The following SLC30A6 variants were observed in gnomAD, a reference collection of about 807,000 sequenced individuals.
SLC30A6 encodes solute carrier family 30 member 6.
SLC30A6 carries 55 observed loss-of-function variants against 63.0 expected under a neutral mutation model. The ratio of observed to expected loss-of-function variants is 0.87; its 90% CI spans 0.70 to 1.09. SLC30A6 has a LOEUF of 1.09. Ranked by LOEUF, SLC30A6 falls within the 50% of genes least tolerant of loss-of-function variation. The pLI, the probability that SLC30A6 is intolerant of heterozygous loss-of-function variation, is 0.00. For synonymous variants in SLC30A6, 224 were observed against 186.1 expected, an observed-to-expected ratio of 1.20 and a Z score of -1.66; for missense variants, 587 against 549.2, an observed-to-expected ratio of 1.07 and a Z score of -0.69.
At chr2:32,214,090 C>T (rs1204016993) in intron 13 of SLC30A6, among the ~76,000 whole-genome samples, 2 of 152,092 alleles carry the variant, frequency 1.3e-5, no homozygotes, top group East Asian at 3.9e-4. Flanking sequence ...CACCATGCCC[C>T]ACGTCTGGCT....
At chr2:32,175,240 T>G (rs1573247341) in intron 3 of SLC30A6, 79 bp from the exon 4 acceptor site, 1 of 1,376,204 alleles carries the variant, frequency 7.3e-7, no homozygotes, top group Non-Finnish European at 1.0e-6. Flanking sequence ...ATACCCCTGG[T>G]AGAAATAATT....
At chr2:32,201,845 C>T in intron 10 of SLC30A6, 1 of 1,436,634 alleles carries the variant, frequency 7.0e-7, no homozygotes, top group Non-Finnish European at 9.7e-7. Flanking sequence ...GATGAGAAAT[C>T]AGAAACAAGA....
intron 4 of SLC30A6, among the ~76,000 whole-genome samples, chr2:32,176,530 C>T (rs1042968906): frequency 6.6e-6 from 1 of 151,188 alleles, no homozygotes; most frequent in African/African-American, 2.4e-5. Context: ...TGGTGGTGGG[C>T]ATCTGTAGTC....
At chr2:32,210,291 C>T (rs1382619010) in intron 13 of SLC30A6, among the ~76,000 whole-genome samples, 1 of 152,044 alleles carries the variant, frequency 6.6e-6, no homozygotes, top group African/African-American at 2.4e-5. Flanking sequence ...GCGGGCAGAT[C>T]ACCTGAGGTT....
chr2:32,218,202 C>T (rs1348242058), intron 13 of SLC30A6, among the ~76,000 whole-genome samples: 3 of 152,120 alleles, frequency 2.0e-5, no homozygotes, highest in Non-Finnish European at 4.4e-5. Flanking sequence ...AGGAGGATCG[C>T]TTGAACCTAG....
At chr2:32,176,213 A>G (rs1405188780) in intron 4 of SLC30A6, among the ~76,000 whole-genome samples, 1 of 152,178 alleles carries the variant, frequency 6.6e-6, no homozygotes, top group East Asian at 1.9e-4. Flanking sequence ...CACTTATGAA[A>G]AGTTGCTTAT....
Position 32,220,840 on chromosome 2 carries a change from T to A in SLC30A6, c.*127T>A. Reference sequence around the variant, plus strand: ...TAGATAATAGTAGTCTTGTTCACATTTCATGAAACCTATGAAACTATATTT... The same window carrying A: ...TAGATAATAGTAGTCTTGTTCACATATCATGAAACCTATGAAACTATATTT... On this transcript the variant is annotated 3_prime_UTR_variant, in exon 14 of 14. Transcript: ENST00000282587. The A allele has an allele frequency of 3.5e-6, 3 of 862,538 alleles. No individual in the cohort carries two copies. The highest frequency in any genetic ancestry group is 3.5e-6 in the Non-Finnish European group (2 of 578,178). 53.4% of individuals were successfully genotyped at this position (862,538 alleles called of 1,614,324 possible).
chr2:32,169,196 G>C (rs901480767), intron 1 of SLC30A6, among the ~76,000 whole-genome samples: 2 of 151,970 alleles, frequency 1.3e-5, no homozygotes, highest in East Asian at 3.9e-4. Context: ...TTTATTTCGA[G>C]ATGGGGTCTC....
At chr2:32,201,931 A>G in intron 10 of SLC30A6, 1 of 1,476,778 alleles carries the variant, frequency 6.8e-7, no homozygotes, top group South Asian at 1.2e-5. Flanking sequence ...AAATGGAGAC[A>G]CTGAAGAAGG....
intron 1 of SLC30A6, among the ~76,000 whole-genome samples, chr2:32,167,962 A>C (rs1418049797): frequency 6.6e-6 from 1 of 152,198 alleles, no homozygotes; most frequent in African/African-American, 2.4e-5. Context: ...AAGCTCATTG[A>C]GAGCAGGACC....
chr2:32,168,024 A>G (rs925073525), intron 1 of SLC30A6, among the ~76,000 whole-genome samples: 4 of 152,236 alleles, frequency 2.6e-5, no homozygotes, highest in Non-Finnish European at 5.9e-5. Context: ...GGCCCAGAGG[A>G]AGTTTTCAAT....
Position 32,206,893 on chromosome 2 carries a change from C to T in SLC30A6, c.776C>T (p.Pro259Leu). Reference protein sequence around the residue: ...YSGKVLLQTTPPHVIGQLDKL... With the variant: ...YSGKVLLQTTLPHVIGQLDKL... Reference sequence around the variant, plus strand: ...TATTGTATTTTTCCCCAGACAACACCACCCCATGTTATTGGTCAGTTGGAC... The same window carrying T: ...TATTGTATTTTTCCCCAGACAACACTACCCCATGTTATTGGTCAGTTGGAC... The change falls in exon 12 of 14, where the codon CCA (proline) becomes CTA (leucine). Residue 259 changes from proline (P) to leucine (L), a missense_variant. By Grantham distance (98) the Pro-to-Leu change is moderately conservative. Coordinates refer to ENST00000282587, the MANE Select transcript of SLC30A6 (RefSeq NM_017964.5). The T allele has an allele frequency of 1.2e-6, 2 of 1,611,610 alleles. No individual in the cohort carries two copies. The highest frequency in any genetic ancestry group is 1.7e-6 in the Non-Finnish European group (2 of 1,177,864).
At chr2:32,167,190 C>T (rs367882202) in intron 1 of SLC30A6, among the ~76,000 whole-genome samples, 1 of 152,166 alleles carries the variant, frequency 6.6e-6, no homozygotes, top group Admixed American at 6.5e-5. Flanking sequence ...ATTCTCCTGC[C>T]TCACCTTCCC....
At chr2:32,178,730 A>C (rs757774775) in intron 4 of SLC30A6, among the ~76,000 whole-genome samples, 2 of 152,190 alleles carry the variant, frequency 1.3e-5, no homozygotes, top group Non-Finnish European at 2.9e-5. Context: ...GTGAATGTTT[A>C]TTTTTGGATT....
At chr2:32,200,444 G>A (rs927360480) in intron 10 of SLC30A6, among the ~76,000 whole-genome samples, 49 of 151,638 alleles carry the variant, frequency 3.2e-4, no homozygotes, top group African/African-American at 1.1e-3. Flanking sequence ...TTGAGAAATC[G>A]GATGGTTGCT....
chr2:32,204,010 G>A, intron 10 of SLC30A6: 1 of 686,782 alleles, frequency 1.5e-6, no homozygotes, highest in East Asian at 2.6e-5. Flanking sequence ...CTATTTGATA[G>A]TTAATCTACC....
intron 11 of SLC30A6, 114 bp from the exon 12 acceptor site, chr2:32,206,772 C>T: frequency 1.3e-6 from 1 of 767,290 alleles, no homozygotes; most frequent in East Asian, 2.6e-5. Context: ...CATGATAGGA[C>T]AGCTGTCAAA....
intron 1 of SLC30A6, among the ~76,000 whole-genome samples, chr2:32,167,564 T>C (rs1481022871): frequency 1.3e-5 from 2 of 152,028 alleles, no homozygotes; most frequent in Non-Finnish European, 2.9e-5. Flanking sequence ...CCCTTATATA[T>C]CCTTAATTAT....
chr2:32,206,175 G>A (rs1045383784), intron 11 of SLC30A6, among the ~76,000 whole-genome samples: 7 of 151,384 alleles, frequency 4.6e-5, no homozygotes, highest in Middle Eastern at 3.5e-3. Context: ...GGCCGGGCGC[G>A]GTGGCTCATG....
Sources: gnomAD v4.1 joint callset for allele counts (sites outside exome capture counted in the v4.1 genomes callset) on GRCh38, gnomAD v4.1.1 for gene constraint, MANE v1.5 for transcripts, NCBI Gene and HGNC (gene_info 2026-07-23, HGNC 2026-07-21) for gene names.